The following COPG2 variants were observed in gnomAD, a reference collection of about 807,000 sequenced individuals.
COPG2 encodes coat protein complex I subunit gamma 2.
In COPG2, 37 loss-of-function variants were observed where a neutral mutation model predicts 46.3. That is an observed-to-expected ratio of 0.80 (90% CI 0.61 to 1.05). The LOEUF is 1.05. Among genes scored for constraint, COPG2 ranks in the 50% least tolerant of loss-of-function variants. The probability of loss-of-function intolerance (pLI) is 0.00; values close to 1 mark genes in which losing one functional copy is unlikely to be tolerated. For missense variants in COPG2, 427 were observed against 387.8 expected (o/e 1.10, Z -0.85); for synonymous variants, 159 against 129.7 (o/e 1.23, Z -1.53).
chr7:130,535,833 T>C (rs1296308193), intron 20 of COPG2, among the ~76,000 whole-genome samples: 1 of 151,782 alleles, frequency 6.6e-6, no homozygotes, highest in East Asian at 1.9e-4. Flanking sequence ...GGTTGATGAA[T>C]ACAGGCTAGA....
intron 20 of COPG2, chr7:130,510,270 T>A (rs1323766979): frequency 1.5e-5 from 8 of 518,082 alleles, no homozygotes; most frequent in Non-Finnish European, 3.1e-5. Context: ...AATGAACCTA[T>A]CAAGCCTGCA....
chr7:130,619,807 C>T (rs1795007865), intron 5 of COPG2, among the ~76,000 whole-genome samples: 2 of 152,150 alleles, frequency 1.3e-5, no homozygotes, highest in Admixed American at 6.5e-5. Context: ...TGACAATTCG[C>T]TTAGCTGTAT....
intron 20 of COPG2, among the ~76,000 whole-genome samples, chr7:130,512,802 G>A (rs1464800360): frequency 9.9e-5 from 15 of 152,126 alleles, no homozygotes; most frequent in Admixed American, 7.9e-4. Flanking sequence ...TTAAGATATC[G>A]TAGACTATTG....
At chr7:130,564,470 C>G in intron 9 of COPG2, 77 bp from the exon 10 acceptor site, 1 of 398,092 alleles carries the variant, frequency 2.5e-6, no homozygotes. Context: ...AAAGCACAGG[C>G]AGATTGAGAG....
chr7:130,513,884 G>A (rs1324196072), intron 20 of COPG2, among the ~76,000 whole-genome samples: 1 of 152,202 alleles, frequency 6.6e-6, no homozygotes, highest in Non-Finnish European at 1.5e-5. Flanking sequence ...AAGAGACGGA[G>A]TCATTTGAAG....
intron 3 of COPG2, among the ~76,000 whole-genome samples, chr7:130,663,660 G>A (rs924347321): frequency 1.3e-4 from 20 of 151,716 alleles, no homozygotes; most frequent in African/African-American, 4.8e-4. Flanking sequence ...AATTCATCCT[G>A]GGATCTTGCC....
intron 20 of COPG2, among the ~76,000 whole-genome samples, chr7:130,535,744 T>G (rs1584965951): frequency 9.7e-5 from 14 of 143,900 alleles, no homozygotes; most frequent in South Asian, 2.3e-4. Flanking sequence ...TGGGGTGGGG[T>G]GAAGTGGGCC....
At chr7:130,608,275 A>C in intron 9 of COPG2, 1 of 429,044 alleles carries the variant, frequency 2.3e-6, no homozygotes, top group Non-Finnish European at 4.6e-6. Flanking sequence ...CTATTTTCAT[A>C]TATTTCACTT....
chr7:130,611,811 TATA>T (rs1366358069), intron 8 of COPG2, among the ~76,000 whole-genome samples: 1 of 152,234 alleles, frequency 6.6e-6, no homozygotes, highest in East Asian at 1.9e-4. Context: ...GTATGATTTT[TATA>T]ATGCCTATAA....
chr7:130,597,032 C>T (rs141708251), intron 9 of COPG2, among the ~76,000 whole-genome samples: 2,474 of 152,310 alleles, frequency 0.016, 67 homozygotes, highest in African/African-American at 0.057. Flanking sequence ...GGCTCTTTAT[C>T]AGAACCTTGA....
intron 5 of COPG2, among the ~76,000 whole-genome samples, chr7:130,629,188 G>A (rs941132810): frequency 6.6e-6 from 1 of 151,924 alleles, no homozygotes; most frequent in African/African-American, 2.4e-5. Context: ...CTTTTTTGGG[G>A]GGGGTACCTT....
At chr7:130,526,213 G>A (rs887898542) in intron 20 of COPG2, among the ~76,000 whole-genome samples, 27 of 152,230 alleles carry the variant, frequency 1.8e-4, no homozygotes, top group East Asian at 1.7e-3. Context: ...CTGAATCAGT[G>A]GAAGATCTGG....
At chr7:130,612,028 G>A (rs781826547) in intron 8 of COPG2, 124 bp downstream of exon 8, 19 of 691,140 alleles carry the variant, frequency 2.7e-5, no homozygotes, top group African/African-American at 5.3e-5. Context: ...TTCAGAATAC[G>A]TACTAGTAGC....
intron 3 of COPG2, 113 bp from the exon 4 acceptor site, chr7:130,663,151 A>G: frequency 1.7e-6 from 1 of 600,528 alleles, no homozygotes; most frequent in Non-Finnish European, 2.8e-6. Context: ...AACTCAAGAA[A>G]AAAGAATCTC....
intron 7 of COPG2, among the ~76,000 whole-genome samples, chr7:130,612,495 G>C (rs1794870422): frequency 6.6e-6 from 1 of 152,154 alleles, no homozygotes; most frequent in African/African-American, 2.4e-5. Context: ...AGGAAGAACA[G>C]GATAGGGATG....
At chr7:130,593,119 C>T (rs905055857) in intron 9 of COPG2, among the ~76,000 whole-genome samples, 9 of 152,322 alleles carry the variant, frequency 5.9e-5, no homozygotes, top group African/African-American at 1.9e-4. Flanking sequence ...CGCTTAATTA[C>T]ATAAAAACTG....
rs1554462074 is a variant in COPG2 at position 130,668,676 on chromosome 7, G to A, written c.-8C>T. On this transcript the variant is annotated 5_prime_UTR_variant, in exon 1 of 24. Coordinates refer to ENST00000425248, the MANE Select transcript of COPG2 (RefSeq NM_012133.6). Reference sequence around the variant, plus strand: ...GTCGAATTTTTTAATCATCTTGGACGACTTCCCAGCGCCCAGACCCACCGC... The same window carrying A: ...GTCGAATTTTTTAATCATCTTGGACAACTTCCCAGCGCCCAGACCCACCGC... 18 of 1,538,304 alleles carry A rather than the reference G, an allele frequency of 1.2e-5. No homozygotes were observed. Among genetic ancestry groups the A allele is most frequent in the Non-Finnish European group, 1.5e-5 (17 of 1,144,110 alleles).
At chr7:130,653,955 A>AC (rs1356784165) in intron 4 of COPG2, among the ~76,000 whole-genome samples, 1 of 151,450 alleles carries the variant, frequency 6.6e-6, no homozygotes, top group East Asian at 1.9e-4. Context: ...GGAACACCCC[A>AC]CCCCAATTTA....
chr7:130,536,835 C>T (rs1315219221), intron 20 of COPG2, among the ~76,000 whole-genome samples: 1 of 152,044 alleles, frequency 6.6e-6, no homozygotes, highest in East Asian at 1.9e-4. Context: ...GGAGTGAGGC[C>T]AAGATAGGGG....
Sources: allele counts gnomAD v4.1 joint callset (sites outside exome capture counted in the v4.1 genomes callset), GRCh38; gene constraint gnomAD v4.1.1; transcripts MANE v1.5; gene names NCBI Gene and HGNC (gene_info 2026-07-23, HGNC 2026-07-21).